Variants in NPAS3 observed in about 807,000 individuals in gnomAD.
The protein encoded by NPAS3 is neuronal PAS domain protein 3.
In NPAS3, 14 loss-of-function variants were observed where a neutral mutation model predicts 73.1. The observed-to-expected ratio is 0.19, with a 90% confidence interval of 0.13 to 0.30. The LOEUF (loss-of-function observed/expected upper bound fraction) is 0.30. NPAS3 is among the 10% of genes least tolerant of loss of function. The pLI is 1.00. For synonymous variants in NPAS3, 620 were observed against 541.5 expected (o/e 1.14, Z -2.01); for missense variants, 1,096 against 1,250.0 (o/e 0.88, Z 1.86).
At chr14:33,488,437 A>T (rs1040674867) in intron 4 of NPAS3, among the ~76,000 whole-genome samples, 1 of 152,160 alleles carries the variant, frequency 6.6e-6, no homozygotes, top group African/African-American at 2.4e-5. Context: ...TCAGTTCTGC[A>T]CTAGTTCTAT....
intron 2 of NPAS3, among the ~76,000 whole-genome samples, chr14:33,170,079 AT>A (rs1424509804): frequency 6.6e-6 from 1 of 152,196 alleles, no homozygotes; most frequent in African/African-American, 2.4e-5. Context: ...AATTTCTTAA[AT>A]GTGAGTAGAT....
chr14:33,113,710 T>C lies in NPAS3; in HGVS notation c.140+57716T>C, dbSNP rs548629514. On this transcript the variant is annotated intron_variant, in intron 2 of 11. Coordinates refer to ENST00000356141, the Ensembl canonical transcript of NPAS3. ...CCAGAACTTCCAACACTATATTGAA[T>C]AGGAGTGGTGAGAGAGGGCATCCCT... 1.7e-3 allele frequency among the ~76,000 whole-genome samples: 255 copies of C among 152,250 alleles called. 1 individual carries two copies. Among genetic ancestry groups the C allele is most frequent in the African/African-American group, 5.8e-3 (239 of 41,558 alleles).
intron 3 of NPAS3, among the ~76,000 whole-genome samples, chr14:33,346,912 G>C (rs2044764877): frequency 6.6e-6 from 1 of 152,124 alleles, no homozygotes; most frequent in Non-Finnish European, 1.5e-5. Flanking sequence ...CATCAATGTT[G>C]CTGATGCCTC....
At chr14:33,323,580 G>A (rs2043557256) in intron 3 of NPAS3, among the ~76,000 whole-genome samples, 1 of 152,190 alleles carries the variant, frequency 6.6e-6, no homozygotes, top group African/African-American at 2.4e-5. Flanking sequence ...ATCAATGTAT[G>A]AGGAATTATG....
At chr14:33,801,797 G>T (rs2063720672), downstream of NPAS3, 1 of 152,072 alleles carries the variant, frequency 6.6e-6, no homozygotes, top group Non-Finnish European at 1.5e-5. Flanking sequence ...TAAAACCATG[G>T]TGCTATCATT....
chr14:33,514,970 G>A (rs899980770), intron 4 of NPAS3, among the ~76,000 whole-genome samples: 12 of 152,062 alleles, frequency 7.9e-5, no homozygotes, highest in African/African-American at 2.7e-4. Flanking sequence ...AAGGGACTTC[G>A]TATTTAGTCT....
At position 33,782,823 on chromosome 14, in the gene NPAS3, T is replaced by TAAAAAAAAAAAAAAAAAAAAAAAA. The variant is rs199704146; in HGVS notation, c.1153+4259_1153+4260insAAAAAAAAAAAAAAAAAAAAAAAA. On this transcript the variant is annotated intron_variant, in intron 9 of 11. Transcript: ENST00000356141. ...AACATACTTGGGGGTTGTTTTTTTT[T>TAAAAAAAAAAAAAAAAAAAAAAAA]AAAAAAAAGAAAAAAACAGTAGCTT... Among the ~76,000 whole-genome samples, 117 of 148,602 alleles carry TAAAAAAAAAAAAAAAAAAAAAAAA rather than the reference T, an allele frequency of 7.9e-4. 1 individual carries two copies. The highest frequency in any genetic ancestry group is 1.4e-3 in the Non-Finnish European group (92 of 66,622).
intron 2 of NPAS3, among the ~76,000 whole-genome samples, chr14:33,180,794 G>C (rs1254380163): frequency 1.6e-5 from 1 of 63,288 alleles, no homozygotes; most frequent in Non-Finnish European, 2.7e-5. Flanking sequence ...GCGAGACACT[G>C]TCTCCAAGAA....
intron 2 of NPAS3, among the ~76,000 whole-genome samples, chr14:33,078,256 G>C (rs1343600990): frequency 6.6e-6 from 1 of 152,206 alleles, no homozygotes; most frequent in Non-Finnish European, 1.5e-5. Context: ...ATGGGTATTT[G>C]TTTCACAGAC....
intron 2 of NPAS3, 155 bp from the exon 3 acceptor site, chr14:33,215,027 A>G: frequency 1.4e-6 from 1 of 724,286 alleles, no homozygotes; most frequent in Non-Finnish European, 2.3e-6. Flanking sequence ...GCTTTAGTGG[A>G]CATTTTCTGG....
At chr14:33,248,009 T>C (rs537173535) in intron 3 of NPAS3, among the ~76,000 whole-genome samples, 107 of 152,346 alleles carry the variant, frequency 7.0e-4, no homozygotes, top group African/African-American at 2.4e-3. Context: ...ACTTCTGTCA[T>C]GGCAAAATTG....
intron 2 of NPAS3, among the ~76,000 whole-genome samples, chr14:33,095,657 C>CTT (rs201283993): frequency 0.016 from 1,515 of 97,360 alleles, 265 homozygotes; most frequent in African/African-American, 0.03. Context: ...GCATTCTCTG[C>CTT]TTTTATTTTT....
At chr14:33,115,126 T>G (rs1177366076) in intron 2 of NPAS3, among the ~76,000 whole-genome samples, 1 of 152,130 alleles carries the variant, frequency 6.6e-6, no homozygotes, top group African/African-American at 2.4e-5. Context: ...TTGTTTTGAG[T>G]GCTTTAAGCA....
chr14:33,309,123 A>G (rs917506263), intron 3 of NPAS3, among the ~76,000 whole-genome samples: 1 of 152,206 alleles, frequency 6.6e-6, no homozygotes, highest in Non-Finnish European at 1.5e-5. Context: ...TTCTATTGAG[A>G]TGTTTATTTA....
chr14:33,252,428 T>C (rs2048620864), intron 3 of NPAS3, among the ~76,000 whole-genome samples: 1 of 151,922 alleles, frequency 6.6e-6, no homozygotes, highest in Admixed American at 6.6e-5. Context: ...ACTAAGGTAT[T>C]GAGTGACTAC....
intron 5 of NPAS3, among the ~76,000 whole-genome samples, chr14:33,625,032 A>G (rs1216831551): frequency 6.6e-6 from 1 of 152,132 alleles, no homozygotes; most frequent in African/African-American, 2.4e-5. Context: ...TTTCTGTTTG[A>G]CTGTGTAGGG....
intron 1 of NPAS3, among the ~76,000 whole-genome samples, chr14:32,998,125 C>T (rs956352632): frequency 2.0e-5 from 3 of 152,110 alleles, no homozygotes; most frequent in Admixed American, 2.0e-4. Flanking sequence ...CAAAAACAGC[C>T]CAAATGCTCA....
chr14:33,146,752 C>G (rs1342274113), intron 2 of NPAS3, among the ~76,000 whole-genome samples: 1 of 152,198 alleles, frequency 6.6e-6, no homozygotes, highest in Admixed American at 6.5e-5. Flanking sequence ...GATTTACTCT[C>G]TGAATGTTGG....
At chr14:33,737,504 T>G (rs1337254225) in intron 7 of NPAS3, among the ~76,000 whole-genome samples, 1 of 152,132 alleles carries the variant, frequency 6.6e-6, no homozygotes, top group Non-Finnish European at 1.5e-5. Context: ...TCAGCAGGTC[T>G]TTCTCAAGAT....
Sources: gnomAD v4.1 joint callset for allele counts (sites outside exome capture counted in the v4.1 genomes callset) on GRCh38, gnomAD v4.1.1 for gene constraint, MANE v1.5 for transcripts, NCBI Gene and HGNC (gene_info 2026-07-23, HGNC 2026-07-21) for gene names.